LINGO2: variants seen among roughly 807,000 people sequenced by gnomAD.
LINGO2 encodes leucine rich repeat and Ig domain containing 2.
Under a neutral mutation model 30.6 loss-of-function variants are expected in LINGO2, and 14 were observed. That is an observed-to-expected ratio of 0.46 (90% CI 0.30 to 0.72). The LOEUF is 0.72. Ranked by LOEUF, LINGO2 falls within the 30% of genes least tolerant of loss-of-function variation. The pLI is 0.07. For missense variants in LINGO2, 729 were observed against 751.7 expected (o/e 0.97, Z 0.35); for synonymous variants, 317 against 288.5 (o/e 1.10, Z -1.00).
chr9:28,988,417 G>A, the LINGO2 span, among the ~76,000 whole-genome samples: 2 of 151,990 alleles, frequency 1.3e-5, no homozygotes, highest in Non-Finnish European at 2.9e-5. Context: ...GTCTATGTGT[G>A]TCCCTGAAAG....
At chr9:28,134,139 A>G (rs1209906278) in intron 4 of LINGO2, among the ~76,000 whole-genome samples, 1 of 152,082 alleles carries the variant, frequency 6.6e-6, no homozygotes, top group Non-Finnish European at 1.5e-5. Flanking sequence ...CCATACTACA[A>G]TCTTGGCCAC....
chr9:28,493,085 C>G (rs1289662581), intron 1 of LINGO2, among the ~76,000 whole-genome samples: 1 of 151,986 alleles, frequency 6.6e-6, no homozygotes, highest in Non-Finnish European at 1.5e-5. Context: ...AACAAGTATC[C>G]CCTGTCATCC....
chr9:28,450,812 T>C (rs1366589130), intron 2 of LINGO2, among the ~76,000 whole-genome samples: 1 of 151,978 alleles, frequency 6.6e-6, no homozygotes, highest in Admixed American at 6.6e-5. Flanking sequence ...TGGAAGAGAT[T>C]CCTCATATTT....
intron 4 of LINGO2, among the ~76,000 whole-genome samples, chr9:28,279,745 T>C (rs1440588707): frequency 1.3e-5 from 2 of 152,094 alleles, no homozygotes; most frequent in African/African-American, 4.8e-5. Context: ...TATGTTTGTA[T>C]TGTATTCTCC....
At chr9:28,023,045 A>G (rs115941658) in intron 4 of LINGO2, among the ~76,000 whole-genome samples, 3 of 151,942 alleles carry the variant, frequency 2.0e-5, no homozygotes, top group Non-Finnish European at 2.9e-5. Context: ...ATCTCTGATT[A>G]TATTAATCAT....
At chr9:28,149,033 C>A in intron 4 of LINGO2, 1 of 1,534,412 alleles carries the variant, frequency 6.5e-7, no homozygotes, top group Non-Finnish European at 8.7e-7. Context: ...AGACGAGGGG[C>A]CCCCACCGGC....
chr9:28,303,961 G>A (rs1321929530), intron 3 of LINGO2, among the ~76,000 whole-genome samples: 2 of 152,038 alleles, frequency 1.3e-5, no homozygotes, highest in Non-Finnish European at 2.9e-5. Context: ...GATCACCTGT[G>A]TATGTGTGTG....
chr9:29,199,401 T>C, the LINGO2 span, among the ~76,000 whole-genome samples: 2 of 152,032 alleles, frequency 1.3e-5, no homozygotes, highest in Non-Finnish European at 2.9e-5. Flanking sequence ...AAAAAAATCA[T>C]TGAAAAAGAA....
In LINGO2 at chr9:28,013,649, G is replaced by T. The variant is rs566229160; in HGVS notation, c.-86-1244C>A. Among the ~76,000 whole-genome samples, 12 of 152,288 alleles carry T rather than the reference G, an allele frequency of 7.9e-5. No individual in the cohort carries two copies. In the East Asian group the frequency reaches 9.6e-4, roughly 12 times the overall value. On this transcript the variant is annotated intron_variant, in intron 4 of 5. Transcript: ENST00000379992. Reference sequence around the variant, plus strand: ...TTTTAGTTTCTTATTGTCTACAATGGCTCTTCATTTTGAAGCTGGAGCTTT... The same window carrying T: ...TTTTAGTTTCTTATTGTCTACAATGTCTCTTCATTTTGAAGCTGGAGCTTT...
At chr9:28,701,480 T>C in the LINGO2 span, among the ~76,000 whole-genome samples, 1 of 152,054 alleles carries the variant, frequency 6.6e-6, no homozygotes, top group African/African-American at 2.4e-5. Flanking sequence ...TGTGGAACTA[T>C]TTCTGTGCTC....
At chr9:28,592,292 T>TA (rs1824951106) in intron 1 of LINGO2, among the ~76,000 whole-genome samples, 2 of 152,070 alleles carry the variant, frequency 1.3e-5, no homozygotes, top group Non-Finnish European at 1.5e-5. Flanking sequence ...CCTCAGATTT[T>TA]AAAAAAGCCT....
intron 2 of LINGO2, among the ~76,000 whole-genome samples, chr9:28,398,190 T>C (rs1282275863): frequency 6.6e-6 from 1 of 152,188 alleles, no homozygotes; most frequent in Non-Finnish European, 1.5e-5. Flanking sequence ...GGTCAGACTA[T>C]TTAATCTAAG....
In LINGO2 at chr9:28,372,886, C is replaced by G. The variant is rs1442944068; in HGVS notation, c.-278-18G>C. On this transcript the variant is annotated intron_variant, in intron 2 of 5. Transcript: ENST00000379992. ...CACTTCACCTAAAAAATACAAAACA[C>G]ACACAAAAAGGAAACTGAAATAAAA... The G allele has an allele frequency of 3.3e-5, 5 of 152,422 alleles. No homozygotes were observed. Among genetic ancestry groups the G allele is most frequent in the Non-Finnish European group, 5.9e-5 (4 of 67,982 alleles). 9.4% of individuals were successfully genotyped at this position (152,422 alleles called of 1,614,324 possible). A position where few individuals can be genotyped will look rare whatever the true frequency, so the allele number is the denominator to read the frequency against.
chr9:28,024,804 G>A (rs1823298377), intron 4 of LINGO2, among the ~76,000 whole-genome samples: 1 of 152,164 alleles, frequency 6.6e-6, no homozygotes. Flanking sequence ...CAGGCAGCCA[G>A]CTTCCCCGAC....
the LINGO2 span, among the ~76,000 whole-genome samples, chr9:28,903,235 T>C: frequency 2.0e-5 from 3 of 152,076 alleles, no homozygotes; most frequent in South Asian, 6.2e-4. Flanking sequence ...AAGAGACTAA[T>C]AGGAACAAGT....
exon 6 of LINGO2, chr9:27,949,766 A>G: frequency 6.2e-7 from 1 of 1,614,106 alleles, no homozygotes; most frequent in Non-Finnish European, 8.5e-7. Flanking sequence ...CCACTATATG[A>G]AGCTCCTGAA....
intron 3 of LINGO2, among the ~76,000 whole-genome samples, chr9:28,309,585 T>TA (rs1191842888): frequency 8.6e-5 from 13 of 150,546 alleles, no homozygotes; most frequent in African/African-American, 3.2e-4. Context: ...AGTATAATAA[T>TA]AATAAAAAAA....
chr9:29,159,394 A>C, the LINGO2 span, among the ~76,000 whole-genome samples: 3 of 152,150 alleles, frequency 2.0e-5, no homozygotes, highest in Non-Finnish European at 4.4e-5. Flanking sequence ...TTCATTAGAG[A>C]GCAATCTACA....
At chr9:27,968,273 A>T (rs554667941) in intron 5 of LINGO2, among the ~76,000 whole-genome samples, 2 of 152,236 alleles carry the variant, frequency 1.3e-5, no homozygotes, top group South Asian at 4.1e-4. Flanking sequence ...GCACTTTATT[A>T]CATTATTTTA....
Sources: gnomAD v4.1 joint callset for allele counts (sites outside exome capture counted in the v4.1 genomes callset) on GRCh38, gnomAD v4.1.1 for gene constraint, MANE v1.5 for transcripts, NCBI Gene and HGNC (gene_info 2026-07-23, HGNC 2026-07-21) for gene names.